HS3ST3A1: variants seen among roughly 807,000 people sequenced by gnomAD.
HS3ST3A1 encodes heparan sulfate-glucosamine 3-sulfotransferase 3A1.
A neutral mutation model predicts 25.7 loss-of-function variants in HS3ST3A1; 19 were observed. The observed-to-expected ratio is 0.74, with a 90% confidence interval of 0.52 to 1.08. HS3ST3A1 has a LOEUF of 1.08. Among genes scored for constraint, HS3ST3A1 ranks in the 50% least tolerant of loss-of-function variants. The pLI is 0.00. For synonymous variants in HS3ST3A1, 226 were observed against 278.6 expected, an observed-to-expected ratio of 0.81 and a Z score of 1.88; for missense variants, 459 against 594.3, an observed-to-expected ratio of 0.77 and a Z score of 2.37.
intron 1 of HS3ST3A1, among the ~76,000 whole-genome samples, chr17:13,580,396 T>C (rs1442491533): frequency 6.6e-6 from 1 of 152,154 alleles, no homozygotes; most frequent in Non-Finnish European, 1.5e-5. Context: ...GGGTTGCAGT[T>C]TGTGAATTAT....
intron 1 of HS3ST3A1, among the ~76,000 whole-genome samples, chr17:13,527,148 G>A (rs756954235): frequency 2.0e-5 from 3 of 152,156 alleles, no homozygotes; most frequent in African/African-American, 4.8e-5. Context: ...TCCCAGGACT[G>A]AACCCAGACA....
intron 1 of HS3ST3A1, among the ~76,000 whole-genome samples, chr17:13,531,894 A>C (rs1220017498): frequency 6.6e-6 from 1 of 152,196 alleles, no homozygotes; most frequent in Non-Finnish European, 1.5e-5. Flanking sequence ...CACTTGCCTT[A>C]TTCACTGACT....
At chr17:13,564,360 C>A (rs1272131233) in intron 1 of HS3ST3A1, among the ~76,000 whole-genome samples, 2 of 152,024 alleles carry the variant, frequency 1.3e-5, no homozygotes, top group Non-Finnish European at 1.5e-5. Flanking sequence ...GATTTTAATC[C>A]ATTTAAATTT....
intron 1 of HS3ST3A1, among the ~76,000 whole-genome samples, chr17:13,533,730 A>G (rs1906684408): frequency 1.3e-5 from 2 of 152,164 alleles, no homozygotes; most frequent in Non-Finnish European, 2.9e-5. Flanking sequence ...AACAGAACCA[A>G]ACAAAATCTT....
intron 1 of HS3ST3A1, among the ~76,000 whole-genome samples, chr17:13,582,698 C>T (rs1430704386): frequency 6.6e-6 from 1 of 152,112 alleles, no homozygotes; most frequent in Non-Finnish European, 1.5e-5. Flanking sequence ...CATAGTACTA[C>T]TTTCTCATTC....
intron 1 of HS3ST3A1, among the ~76,000 whole-genome samples, chr17:13,534,386 T>C (rs1359556790): frequency 1.3e-5 from 2 of 151,566 alleles, no homozygotes; most frequent in African/African-American, 4.8e-5. Context: ...TCAGTTCTTG[T>C]TATTCTAAGT....
intron 1 of HS3ST3A1, among the ~76,000 whole-genome samples, chr17:13,546,669 C>T (rs1907098018): frequency 6.6e-6 from 1 of 152,198 alleles, no homozygotes; most frequent in African/African-American, 2.4e-5. Context: ...TAACTACCTC[C>T]TTTGACTAAA....
intron 1 of HS3ST3A1, among the ~76,000 whole-genome samples, chr17:13,581,218 A>G (rs1179273370): frequency 1.3e-5 from 2 of 152,192 alleles, no homozygotes; most frequent in Admixed American, 1.3e-4. Flanking sequence ...TATACACATA[A>G]TAGTAGAAGC....
intron 1 of HS3ST3A1, among the ~76,000 whole-genome samples, chr17:13,557,334 C>T (rs1907410453): frequency 6.6e-6 from 1 of 152,014 alleles, no homozygotes; most frequent in Non-Finnish European, 1.5e-5. Context: ...AACCCTTGAA[C>T]ATTTAAGCAT....
chr17:13,587,198 G>A (rs979156829), intron 1 of HS3ST3A1, among the ~76,000 whole-genome samples: 4 of 151,946 alleles, frequency 2.6e-5, no homozygotes, highest in Non-Finnish European at 5.9e-5. Flanking sequence ...GTTCACGCCT[G>A]TAATCCCAGC....
intron 1 of HS3ST3A1, among the ~76,000 whole-genome samples, chr17:13,586,005 A>C (rs62053911): frequency 0.63 from 95,825 of 151,350 alleles, 31,860 homozygotes; most frequent in East Asian, 0.92. Context: ...CGGACTACCA[A>C]GCCCGGCTAA....
intron 1 of HS3ST3A1, among the ~76,000 whole-genome samples, chr17:13,562,185 A>C (rs1335777490): frequency 6.6e-6 from 1 of 152,152 alleles, no homozygotes; most frequent in Non-Finnish European, 1.5e-5. Context: ...GGCAAGCAGT[A>C]ACTTTGGCTC....
chr17:13,505,604 G>C (rs377470149), intron 1 of HS3ST3A1, among the ~76,000 whole-genome samples: 2 of 151,772 alleles, frequency 1.3e-5, no homozygotes, highest in Non-Finnish European at 2.9e-5. Flanking sequence ...TAATCGGTGA[G>C]GCTAGATAGC....
chr17:13,539,067 A>G (rs970524871), intron 1 of HS3ST3A1, among the ~76,000 whole-genome samples: 2 of 152,158 alleles, frequency 1.3e-5, no homozygotes, highest in Non-Finnish European at 2.9e-5. Context: ...CTTCACTCAC[A>G]TATCTGGGTC....
intron 1 of HS3ST3A1, among the ~76,000 whole-genome samples, chr17:13,522,494 C>A (rs1354560022): frequency 2.0e-5 from 3 of 152,060 alleles, no homozygotes; most frequent in Non-Finnish European, 4.4e-5. Flanking sequence ...AGTATCAAAA[C>A]AAAATATCAT....
intron 1 of HS3ST3A1, among the ~76,000 whole-genome samples, chr17:13,508,410 C>A (rs1905756314): frequency 6.6e-6 from 1 of 152,162 alleles, no homozygotes; most frequent in South Asian, 2.1e-4. Context: ...AAAGAGTCCT[C>A]CTGGAAGACA....
At chr17:13,554,124 C>T (rs935919386) in intron 1 of HS3ST3A1, among the ~76,000 whole-genome samples, 3 of 152,166 alleles carry the variant, frequency 2.0e-5, no homozygotes, top group Non-Finnish European at 4.4e-5. Context: ...TGAAAACTTC[C>T]TGCCTCATAA....
intron 1 of HS3ST3A1, among the ~76,000 whole-genome samples, chr17:13,572,262 G>T (rs1367705959): frequency 6.6e-6 from 1 of 152,134 alleles, no homozygotes; most frequent in Non-Finnish European, 1.5e-5. Context: ...ATTTTTGAGA[G>T]GATAATACTG....
At chr17:13,525,844 A>G (rs917217795) in intron 1 of HS3ST3A1, among the ~76,000 whole-genome samples, 4 of 152,126 alleles carry the variant, frequency 2.6e-5, no homozygotes, top group Non-Finnish European at 5.9e-5. Flanking sequence ...GGGCCAGAGG[A>G]AGGGAGAAGA....
Sources: gnomAD v4.1 joint callset for allele counts (sites outside exome capture counted in the v4.1 genomes callset) on GRCh38, gnomAD v4.1.1 for gene constraint, MANE v1.5 for transcripts, NCBI Gene and HGNC (gene_info 2026-07-23, HGNC 2026-07-21) for gene names.